Variants in DGKB observed in about 807,000 individuals in gnomAD.
The protein encoded by DGKB is 90 kDa diacylglycerol kinase.
A neutral mutation model predicts 114.3 loss-of-function variants in DGKB; 67 were observed. The observed-to-expected ratio is 0.59, with a 90% CI of 0.48 to 0.72. The LOEUF (loss-of-function observed/expected upper bound fraction) is 0.72. Ranked by LOEUF, DGKB falls within the 30% of genes least tolerant of loss-of-function variation. The pLI is 0.00. For missense variants in DGKB, 907 were observed against 975.2 expected (o/e 0.93, Z 0.93); for synonymous variants, 398 against 323.1 (o/e 1.23, Z -2.49).
At chr7:14,638,292 T>G (rs747518030) in intron 13 of DGKB, among the ~76,000 whole-genome samples, 2 of 152,164 alleles carry the variant, frequency 1.3e-5, no homozygotes, top group Non-Finnish European at 2.9e-5. Flanking sequence ...CTAAATACAA[T>G]GCTACTTTGG....
intron 21 of DGKB, among the ~76,000 whole-genome samples, chr7:14,433,520 G>A (rs1394292050): frequency 6.6e-6 from 1 of 151,916 alleles, no homozygotes; most frequent in Non-Finnish European, 1.5e-5. Context: ...AGTATTCTAC[G>A]GTGGTGACAT....
intron 2 of DGKB, among the ~76,000 whole-genome samples, chr7:14,807,728 C>T (rs1162659561): frequency 6.6e-6 from 1 of 151,954 alleles, no homozygotes; most frequent in Non-Finnish European, 1.5e-5. Flanking sequence ...ATCAACCAGA[C>T]ATTTTATGGT....
At chr7:14,404,669 AC>A (rs1823653707) in intron 21 of DGKB, among the ~76,000 whole-genome samples, 2 of 151,684 alleles carry the variant, frequency 1.3e-5, no homozygotes, top group African/African-American at 4.8e-5. Context: ...TTTCTGCATC[AC>A]CTCATCTTGC....
At chr7:14,771,303 A>G (rs143792869) in intron 2 of DGKB, among the ~76,000 whole-genome samples, 8 of 152,192 alleles carry the variant, frequency 5.3e-5, no homozygotes, top group South Asian at 4.1e-4. Flanking sequence ...TGGTCTGGTG[A>G]TATTTTCCCA....
chr7:14,723,433 T>G (rs1328013662), intron 5 of DGKB, among the ~76,000 whole-genome samples: 2 of 152,204 alleles, frequency 1.3e-5, no homozygotes, highest in African/African-American at 2.4e-5. Flanking sequence ...TGATCAGAGC[T>G]AAATATTGCT....
intron 23 of DGKB, among the ~76,000 whole-genome samples, chr7:14,259,550 C>G (rs554246618): frequency 6.6e-6 from 1 of 152,264 alleles, no homozygotes; most frequent in South Asian, 2.1e-4. Flanking sequence ...CCTCAGCCTC[C>G]CATGTAGCTG....
intron 21 of DGKB, among the ~76,000 whole-genome samples, chr7:14,428,628 G>C (rs1266360595): frequency 6.6e-6 from 1 of 152,040 alleles, no homozygotes; most frequent in African/African-American, 2.4e-5. Context: ...CTTAAATGAA[G>C]TGAGTACAAC....
At chr7:14,260,041 G>A (rs1584782534) in intron 23 of DGKB, among the ~76,000 whole-genome samples, 1 of 150,076 alleles carries the variant, frequency 6.7e-6, no homozygotes, top group Admixed American at 6.6e-5. Flanking sequence ...AAACTTTATT[G>A]CAGATTAAAA....
intron 20 of DGKB, among the ~76,000 whole-genome samples, chr7:14,542,010 G>T (rs1793544718): frequency 6.6e-6 from 1 of 152,004 alleles, no homozygotes; most frequent in Non-Finnish European, 1.5e-5. Flanking sequence ...TGGCCTCCCT[G>T]CCTTCATTTT....
At chr7:14,929,329 AC>A (rs1391173985) in intron 1 of DGKB, among the ~76,000 whole-genome samples, 1 of 152,148 alleles carries the variant, frequency 6.6e-6, no homozygotes, top group Admixed American at 6.5e-5. Context: ...TAGAGGTTGT[AC>A]TAAAGTACTT....
chr7:14,482,293 C>A (rs1446041933), intron 20 of DGKB, among the ~76,000 whole-genome samples: 1 of 151,872 alleles, frequency 6.6e-6, no homozygotes, highest in Non-Finnish European at 1.5e-5. Context: ...ATTCATAATA[C>A]CTTCTCCTTT....
intron 6 of DGKB, among the ~76,000 whole-genome samples, chr7:14,710,385 CTT>C (rs1827159503): frequency 6.6e-6 from 1 of 152,036 alleles, no homozygotes; most frequent in African/African-American, 2.4e-5. Flanking sequence ...GCTAAACACA[CTT>C]ATTAATTCAA....
intron 21 of DGKB, among the ~76,000 whole-genome samples, chr7:14,472,553 G>T (rs1325475111): frequency 6.6e-6 from 1 of 152,192 alleles, no homozygotes; most frequent in East Asian, 1.9e-4. Context: ...GTAGAATGGG[G>T]CACTGCTGAA....
At chr7:14,929,798 G>A (rs1483675811) in intron 1 of DGKB, among the ~76,000 whole-genome samples, 2 of 151,910 alleles carry the variant, frequency 1.3e-5, no homozygotes, top group African/African-American at 4.8e-5. Context: ...TCTTTGCCTA[G>A]ACTAATGTCC....
At chr7:14,949,857 A>G (rs1786085096) in intron 1 of DGKB, among the ~76,000 whole-genome samples, 1 of 151,956 alleles carries the variant, frequency 6.6e-6, no homozygotes, top group South Asian at 2.1e-4. Flanking sequence ...CAAGGACAGA[A>G]AACCAAACAC....
intron 13 of DGKB, among the ~76,000 whole-genome samples, chr7:14,659,503 G>A (rs1210713206): frequency 6.7e-6 from 1 of 149,672 alleles, no homozygotes; most frequent in Non-Finnish European, 1.5e-5. Context: ...AGTTGTGAAT[G>A]GGAGTTCACT....
intron 21 of DGKB, among the ~76,000 whole-genome samples, chr7:14,441,367 T>C (rs951310161): frequency 3.3e-5 from 5 of 152,122 alleles, no homozygotes; most frequent in African/African-American, 1.2e-4. Flanking sequence ...TCACAGAAGT[T>C]CTTTTCATAT....
chr7:14,929,703 T>C lies in DGKB; in HGVS notation c.-188+44993A>G, dbSNP rs116759638. On this transcript the variant is annotated intron_variant, in intron 1 of 4. Coordinates refer to the DGKB transcript ENST00000437998. Reference sequence around the variant, plus strand: ...TCACTCTGTTGATTATTTCCTTTGCTGTGTAGAAGCTGTTTAATTTACTTA... The same window carrying C: ...TCACTCTGTTGATTATTTCCTTTGCCGTGTAGAAGCTGTTTAATTTACTTA... 2.7e-3 allele frequency among the ~76,000 whole-genome samples: 405 copies of C among 152,274 alleles called. 2 individuals are homozygous for C. The highest frequency in any genetic ancestry group is 9.4e-3 in the African/African-American group (389 of 41,566).
chr7:14,608,828 C>T (rs1804991402), intron 16 of DGKB, among the ~76,000 whole-genome samples: 1 of 151,580 alleles, frequency 6.6e-6, no homozygotes, highest in African/African-American at 2.4e-5. Context: ...GAGTCACACA[C>T]AAAAAATGAA....
Sources: allele counts gnomAD v4.1 joint callset (sites outside exome capture counted in the v4.1 genomes callset), GRCh38; gene constraint gnomAD v4.1.1; transcripts MANE v1.5; gene names NCBI Gene and HGNC (gene_info 2026-07-23, HGNC 2026-07-21).